The following SYNE3 variants were observed in gnomAD, a reference collection of about 807,000 sequenced individuals.
SYNE3 encodes spectrin repeat containing nuclear envelope family member 3.
SYNE3 carries 100 observed loss-of-function variants against 111.2 expected under a neutral mutation model. The observed-to-expected ratio is 0.90, with a 90% CI of 0.77 to 1.06. SYNE3 has a LOEUF of 1.06. Among genes scored for constraint, SYNE3 ranks in the 50% least tolerant of loss-of-function variants. The pLI is 0.00. For synonymous variants in SYNE3, 547 were observed against 533.9 expected (o/e 1.02, Z -0.34); for missense variants, 1,160 against 1,240.3 (o/e 0.94, Z 0.97).
intron 3 of SYNE3, 56 bp downstream of exon 3, chr14:95,467,739 C>G: frequency 6.3e-7 from 1 of 1,599,742 alleles, no homozygotes; most frequent in Non-Finnish European, 8.5e-7. Context: ...AAGCTAGTGT[C>G]ACAGTGGGCA....
intron 17 of SYNE3, among the ~76,000 whole-genome samples, chr14:95,426,232 G>A (rs950397542): frequency 1.3e-5 from 2 of 152,120 alleles, no homozygotes; most frequent in Non-Finnish European, 1.5e-5. Flanking sequence ...GTAGACGGAC[G>A]GAGTGGCGAG....
intron 1 of SYNE3, among the ~76,000 whole-genome samples, chr14:95,514,157 G>T (rs990919738): frequency 6.6e-6 from 1 of 152,154 alleles, no homozygotes; most frequent in Non-Finnish European, 1.5e-5. Context: ...TCCCAGGGCA[G>T]CCCAGGGTTG....
intron 17 of SYNE3, among the ~76,000 whole-genome samples, chr14:95,430,971 C>T (rs1186926907): frequency 6.6e-6 from 1 of 152,204 alleles, no homozygotes; most frequent in Non-Finnish European, 1.5e-5. Flanking sequence ...CATTGGTTAC[C>T]CACTCTCCTA....
chr14:95,498,982 A>G (rs992827127), intron 1 of SYNE3, among the ~76,000 whole-genome samples: 1 of 152,208 alleles, frequency 6.6e-6, no homozygotes, highest in Non-Finnish European at 1.5e-5. Flanking sequence ...CTCACTTTTA[A>G]TTTAATAACT....
intron 1 of SYNE3, among the ~76,000 whole-genome samples, chr14:95,510,712 C>T (rs369577115): frequency 0.01 from 1,563 of 152,186 alleles, 23 homozygotes; most frequent in African/African-American, 0.035. Context: ...TGCTTGAACC[C>T]GGGAGGCGGA....
chr14:95,470,114 G>C lies in SYNE3; in HGVS notation c.145-2147C>G, dbSNP rs1888436821. ...GCCCAGGGGGTGGTGGCCACAGCAA[G>C]TACCCACACAGGGACCCCGAGTCCC... On this transcript the variant is annotated intron_variant, in intron 2 of 17. Transcript: ENST00000682763. This position sits in a 1 kb window ranked among gnomAD's most constrained non-coding sequence, Gnocchi z 4.2. 6.6e-6 allele frequency among the ~76,000 whole-genome samples: 1 copy of C among 152,170 alleles called. No homozygotes were observed. The highest frequency in any genetic ancestry group is 2.4e-5 in the African/African-American group (1 of 41,442).
chr14:95,499,856 CTTTTT>C (rs10547044), intron 1 of SYNE3, among the ~76,000 whole-genome samples: 2,624 of 90,088 alleles, frequency 0.029, 146 homozygotes, highest in African/African-American at 0.12. Flanking sequence ...TAACTCTTGT[CTTTTT>C]TTTTTTTTTT....
At chr14:95,506,847 C>T (rs572563089) in intron 1 of SYNE3, among the ~76,000 whole-genome samples, 1 of 152,314 alleles carries the variant, frequency 6.6e-6, no homozygotes, top group South Asian at 2.1e-4. Flanking sequence ...GGTTATGTGA[C>T]TTGCCACAGG....
In SYNE3 at chr14:95,412,183, G is replaced by A. The variant is rs868236578; in HGVS notation, c.*5643C>T. ...CCTCCTTGACCCACTTCCTCTGCCC[G>A]GTATGGTTCATAGTCACAATGGTGG... On this transcript the variant is annotated 3_prime_UTR_variant, in exon 18 of 18. Transcript: ENST00000682763. 6 of 153,200 alleles carry A rather than the reference G, an allele frequency of 3.9e-5. No individual in the cohort carries two copies. Among genetic ancestry groups the A allele is most frequent in the African/African-American group, 4.8e-5 (2 of 41,442 alleles). 9.5% of individuals were successfully genotyped at this position (153,200 alleles called of 1,614,324 possible).
intron 6 of SYNE3, 51 bp downstream of exon 6, chr14:95,455,326 C>G: frequency 1.4e-6 from 2 of 1,423,876 alleles, no homozygotes; most frequent in Non-Finnish European, 9.3e-7. Flanking sequence ...GTGCCAGGAC[C>G]CTGGGCACAG....
At chr14:95,488,525 G>A (rs1889667594) in intron 1 of SYNE3, among the ~76,000 whole-genome samples, 1 of 152,076 alleles carries the variant, frequency 6.6e-6, no homozygotes, top group Non-Finnish European at 1.5e-5. Flanking sequence ...CATGGTAGGT[G>A]TATATTTAAG....
At position 95,409,568 on chromosome 14, in the gene SYNE3, G is replaced by A. The variant is rs1487798518; in HGVS notation, c.*8258C>T. On this transcript the variant is annotated 3_prime_UTR_variant, in exon 18 of 18. Coordinates refer to ENST00000682763, the MANE Select transcript of SYNE3 (RefSeq NM_152592.6). ...TGGGGATGATGTTACCATGACAACC[G>A]GAGAGCAGGTGCTGGGAGATGCTGA... 3 of 372,870 alleles carry A rather than the reference G, an allele frequency of 8.0e-6. No homozygotes were observed. The highest frequency in any genetic ancestry group is 2.0e-5 in the South Asian group (1 of 49,144). The allele number at this position is 372,870 out of a possible 1,614,324, so 23.1% of individuals were successfully genotyped here.
At chr14:95,445,779 GGA>G in intron 9 of SYNE3, 128 bp downstream of exon 9, 1 of 969,540 alleles carries the variant, frequency 1.0e-6, no homozygotes, top group South Asian at 1.6e-5. Flanking sequence ...AGGGACAAAG[GGA>G]TACACCCAGG....
chr14:95,497,582 A>C (rs74990720), intron 1 of SYNE3, among the ~76,000 whole-genome samples: 1,862 of 152,338 alleles, frequency 0.012, 21 homozygotes, highest in Middle Eastern at 0.041. Flanking sequence ...GCAGAGAAAA[A>C]GAGCAGACTG....
At chr14:95,426,279 C>T (rs2139357070) in intron 17 of SYNE3, among the ~76,000 whole-genome samples, 1 of 152,318 alleles carries the variant, frequency 6.6e-6, no homozygotes. Flanking sequence ...TGAAGCCTGT[C>T]CCTGGCTCTC....
chr14:95,514,721 G>C (rs561102508), intron 1 of SYNE3, among the ~76,000 whole-genome samples: 247 of 152,368 alleles, frequency 1.6e-3, no homozygotes, highest in Middle Eastern at 3.4e-3. Context: ...CTGGACTCAG[G>C]CAATCCAACT....
chr14:95,489,930 G>A (rs375670251), intron 1 of SYNE3, among the ~76,000 whole-genome samples: 85 of 152,330 alleles, frequency 5.6e-4, no homozygotes, highest in African/African-American at 2.0e-3. Context: ...GGCCACGAGT[G>A]GGGGCAGAAC....
At position 95,504,996 on chromosome 14, in the gene SYNE3, T is replaced by C. The variant is rs181321984; in HGVS notation, c.-15+11600A>G. ...GTTTATATCACATTCTGTTCCTGTTTCCCTTCTGGGGAGCTTAAGACCTGG... is the reference window on the plus strand; with the variant it reads ...GTTTATATCACATTCTGTTCCTGTTCCCCTTCTGGGGAGCTTAAGACCTGG... On this transcript the variant is annotated intron_variant, in intron 1 of 17. Transcript: ENST00000682763. Among the ~76,000 whole-genome samples, 4 of 152,340 alleles carry C rather than the reference T, an allele frequency of 2.6e-5. No homozygotes were observed. The East Asian group carries it at 7.7e-4, about 29-fold the overall frequency.
At chr14:95,468,494 G>C (rs1320530367) in intron 2 of SYNE3, among the ~76,000 whole-genome samples, 1 of 152,212 alleles carries the variant, frequency 6.6e-6, no homozygotes, top group African/African-American at 2.4e-5. Context: ...TCCTGAGGCT[G>C]CTCCCACCAG....
Sources: allele counts gnomAD v4.1 joint callset (sites outside exome capture counted in the v4.1 genomes callset), GRCh38; gene constraint gnomAD v4.1.1; non-coding constraint Gnocchi (gnomAD v3.1); transcripts MANE v1.5; gene names NCBI Gene and HGNC (gene_info 2026-07-23, HGNC 2026-07-21).